KIAA1217: variants seen among roughly 807,000 people sequenced by gnomAD.
KIAA1217 encodes sickle tail protein homolog.
KIAA1217 carries 88 observed loss-of-function variants against 163.9 expected under a neutral mutation model. The ratio of observed to expected loss-of-function variants is 0.54; its 90% CI spans 0.45 to 0.64. The LOEUF (loss-of-function observed/expected upper bound fraction) is 0.64. Ranked by LOEUF, KIAA1217 falls within the 30% of genes least tolerant of loss-of-function variation. KIAA1217 has a pLI of 0.00. For synonymous variants in KIAA1217, 903 were observed against 923.1 expected, an observed-to-expected ratio of 0.98 and a Z score of 0.39; for missense variants, 2,372 against 2,475.0, an observed-to-expected ratio of 0.96 and a Z score of 0.88.
chr10:24,491,841 CA>C (rs775682212), intron 6 of KIAA1217, among the ~76,000 whole-genome samples: 3 of 152,136 alleles, frequency 2.0e-5, no homozygotes, highest in Non-Finnish European at 4.4e-5. Flanking sequence ...AGGTTGTCAT[CA>C]TGCCTTCCTA....
chr10:24,279,344 A>G (rs1031068093), intron 2 of KIAA1217, among the ~76,000 whole-genome samples: 2 of 151,768 alleles, frequency 1.3e-5, no homozygotes, highest in Admixed American at 6.6e-5. Flanking sequence ...GTCCAGTAGC[A>G]TCCTTGACTT....
rs1205183119 is a variant in KIAA1217, at chr10:24,501,432, C to A, written c.1888C>A (p.Pro630Thr). 6.2e-7 allele frequency: 1 copy of A among 1,614,044 alleles called. No homozygotes were observed. ...KMLSALESTV[P>T]PSQPPPVGTS... Reference sequence around the variant, plus strand: ...GCTCAGTGCTCTGGAGTCCACGGTGCCTCCCAGCCAGCCTCCACCTGTGGG... The same window carrying A: ...GCTCAGTGCTCTGGAGTCCACGGTGACTCCCAGCCAGCCTCCACCTGTGGG... Residue 630 changes from proline to threonine, a missense_variant, in exon 9 of 21, where the codon CCT (proline) becomes ACT (threonine). Transcript: ENST00000376454.
At chr10:23,722,961 A>G (rs545608794) in intron 1 of KIAA1217, among the ~76,000 whole-genome samples, 26 of 152,170 alleles carry the variant, frequency 1.7e-4, no homozygotes, top group Admixed American at 1.6e-3. Flanking sequence ...TGTTGGCCTC[A>G]CTCTCAGATT....
intron 2 of KIAA1217, among the ~76,000 whole-genome samples, chr10:24,104,733 G>T (rs2062554689): frequency 6.6e-6 from 1 of 152,218 alleles, no homozygotes; most frequent in East Asian, 1.9e-4. Context: ...ATTGACAGTA[G>T]AAGAGGCTGT....
At chr10:24,481,920 CCAT>C (rs1390222140) in intron 6 of KIAA1217, 2 of 152,104 alleles carry the variant, frequency 1.3e-5, no homozygotes, top group African/African-American at 4.8e-5. Flanking sequence ...TATACTTTTA[CCAT>C]CATGGTACCT....
At chr10:23,806,395 T>G (rs1180549091) in intron 1 of KIAA1217, among the ~76,000 whole-genome samples, 1 of 152,246 alleles carries the variant, frequency 6.6e-6, no homozygotes, top group African/African-American at 2.4e-5. Flanking sequence ...GGCTTTGCTT[T>G]TAGATAATGG....
At chr10:24,175,994 A>C (rs868753566) in intron 2 of KIAA1217, among the ~76,000 whole-genome samples, 3 of 152,176 alleles carry the variant, frequency 2.0e-5, no homozygotes, top group African/African-American at 7.2e-5. Context: ...ACACTGTGGA[A>C]GGGGACCCAA....
intron 5 of KIAA1217, chr10:24,466,832 G>T (rs1196021578): frequency 1.0e-6 from 1 of 975,938 alleles, no homozygotes; most frequent in South Asian, 4.7e-5. Flanking sequence ...AGTGTCTTAA[G>T]ATTCCATTTC....
intron 2 of KIAA1217, among the ~76,000 whole-genome samples, chr10:24,302,068 C>A (rs938429625): frequency 1.3e-5 from 2 of 152,100 alleles, no homozygotes; most frequent in African/African-American, 4.8e-5. Flanking sequence ...GACTGAGAGA[C>A]AGCAAACGAG....
At chr10:24,084,661 A>G (rs979285057) in intron 2 of KIAA1217, among the ~76,000 whole-genome samples, 65 of 152,194 alleles carry the variant, frequency 4.3e-4, no homozygotes, top group African/African-American at 1.6e-3. Context: ...GAGGAAAACC[A>G]GGCTACTGTG....
chr10:24,476,828 A>T (rs775750000), intron 6 of KIAA1217, among the ~76,000 whole-genome samples: 1 of 151,994 alleles, frequency 6.6e-6, no homozygotes, highest in Non-Finnish European at 1.5e-5. Context: ...ACACACAGAG[A>T]CACACACATA....
intron 1 of KIAA1217, among the ~76,000 whole-genome samples, chr10:23,888,984 A>G (rs891723923): frequency 6.6e-6 from 1 of 151,834 alleles, no homozygotes; most frequent in African/African-American, 2.4e-5. Flanking sequence ...GCTCTGCATT[A>G]TGTTTTTGAG....
intron 3 of KIAA1217, among the ~76,000 whole-genome samples, chr10:24,413,935 A>G (rs1212199234): frequency 1.3e-5 from 2 of 152,176 alleles, no homozygotes; most frequent in African/African-American, 4.8e-5. Context: ...TATCTACATC[A>G]ATAGAAGCTA....
At chr10:24,385,987 G>A (rs186002254) in intron 3 of KIAA1217, among the ~76,000 whole-genome samples, 46 of 152,244 alleles carry the variant, frequency 3.0e-4, no homozygotes, top group East Asian at 3.9e-4. Context: ...GTCGGCCTTC[G>A]GGGAAAGGGT....
At chr10:24,025,254 T>C (rs1416044073) in intron 2 of KIAA1217, among the ~76,000 whole-genome samples, 4 of 151,888 alleles carry the variant, frequency 2.6e-5, no homozygotes, top group African/African-American at 9.6e-5. Flanking sequence ...ACTATTCTAG[T>C]GTGATTTATT....
intron 1 of KIAA1217, among the ~76,000 whole-genome samples, chr10:23,859,080 A>G (rs1393961462): frequency 6.6e-6 from 1 of 152,232 alleles, no homozygotes; most frequent in South Asian, 2.1e-4. Flanking sequence ...ATTTCAATAT[A>G]CTATAATTCC....
At chr10:23,978,849 C>T (rs532605385) in intron 1 of KIAA1217, among the ~76,000 whole-genome samples, 1 of 152,284 alleles carries the variant, frequency 6.6e-6, no homozygotes, top group African/African-American at 2.4e-5. Flanking sequence ...TTTTAAAGCT[C>T]TCCTATGAGG....
chr10:23,901,277 G>A (rs1269335057), intron 1 of KIAA1217, among the ~76,000 whole-genome samples: 1 of 152,042 alleles, frequency 6.6e-6, no homozygotes, highest in Non-Finnish European at 1.5e-5. Context: ...TTTGACCAAG[G>A]AAGTTCAATG....
At chr10:23,706,859 A>G (rs1198441264) in intron 1 of KIAA1217, among the ~76,000 whole-genome samples, 2 of 152,206 alleles carry the variant, frequency 1.3e-5, no homozygotes, top group Non-Finnish European at 2.9e-5. Context: ...AGTGAGTTCC[A>G]GTCAGCAGTA....
Sources: gnomAD v4.1 joint callset for allele counts (sites outside exome capture counted in the v4.1 genomes callset) on GRCh38, gnomAD v4.1.1 for gene constraint, MANE v1.5 for transcripts, NCBI Gene and HGNC (gene_info 2026-07-23, HGNC 2026-07-21) for gene names.